The following NRXN3 variants were observed in gnomAD, a reference collection of about 807,000 sequenced individuals.
NRXN3 encodes the protein neurexin 3, also known as neurexin III.
Under a neutral mutation model 137.6 loss-of-function variants are expected in NRXN3, and 32 were observed. The ratio of observed to expected loss-of-function variants is 0.23; its 90% CI spans 0.18 to 0.31. NRXN3 has a LOEUF of 0.31. Ranked by LOEUF, NRXN3 falls within the 10% of genes least tolerant of loss-of-function variation. The probability of loss-of-function intolerance (pLI) is 1.00; values close to 1 mark genes in which losing one functional copy is unlikely to be tolerated. For missense variants in NRXN3, 1,574 were observed against 2,062.5 expected, an observed-to-expected ratio of 0.76 and a Z score of 4.59; for synonymous variants, 798 against 784.5, an observed-to-expected ratio of 1.02 and a Z score of -0.29.
chr14:78,314,992 T>TTC (rs781386034), intron 4 of NRXN3, among the ~76,000 whole-genome samples: 6,303 of 22,566 alleles, frequency 0.28, 494 homozygotes, highest in Middle Eastern at 0.42. Flanking sequence ...CCTTCCTTTC[T>TTC]CTTTCTTTCT....
chr14:78,562,209 C>T (rs570384654), intron 4 of NRXN3, among the ~76,000 whole-genome samples: 1 of 151,862 alleles, frequency 6.6e-6, no homozygotes, highest in Admixed American at 6.5e-5. Flanking sequence ...ACATCCTGGC[C>T]AACATGATGA....
intron 4 of NRXN3, among the ~76,000 whole-genome samples, chr14:78,544,467 T>C (rs1023352321): frequency 1.3e-5 from 2 of 152,116 alleles, no homozygotes; most frequent in Admixed American, 1.3e-4. Flanking sequence ...ATCAAAAGGA[T>C]GGGGAAATGC....
In NRXN3 at chr14:79,548,030, T is replaced by TA. The variant is rs2097337633; in HGVS notation, c.3444+80630dup. Among the ~76,000 whole-genome samples the TA allele has an allele frequency of 7.2e-5, 11 of 152,128 alleles. 4 individuals are homozygous for TA. The highest frequency in any genetic ancestry group is 6.6e-4 in the Admixed American group (10 of 15,262). ...AGTAGTGTGTTATTTCTTTTTTTTTTAACTATTAATTTTTTTTATTATTAT... is the reference window on the plus strand; with the variant it reads ...AGTAGTGTGTTATTTCTTTTTTTTTTAAACTATTAATTTTTTTTATTATTAT... On this transcript the variant is annotated intron_variant, in intron 16 of 20. Transcript: ENST00000335750.
At chr14:78,324,948 G>A (rs2079870536) in intron 4 of NRXN3, among the ~76,000 whole-genome samples, 1 of 151,800 alleles carries the variant, frequency 6.6e-6, no homozygotes, top group Non-Finnish European at 1.5e-5. Context: ...TCCTGGTACT[G>A]ACATTCATAC....
chr14:79,029,558 A>G (rs1189867310), intron 15 of NRXN3, among the ~76,000 whole-genome samples: 1 of 152,142 alleles, frequency 6.6e-6, no homozygotes, highest in Non-Finnish European at 1.5e-5. Flanking sequence ...AGAATGCAGG[A>G]CAGTATTTCT....
At chr14:78,639,348 C>G (rs182713952) in intron 4 of NRXN3, among the ~76,000 whole-genome samples, 29 of 152,330 alleles carry the variant, frequency 1.9e-4, no homozygotes, top group Admixed American at 5.9e-4. Flanking sequence ...TGAGGCTCAT[C>G]ATCAGGAAGC....
chr14:79,323,882 A>G (rs1052732169), intron 15 of NRXN3, among the ~76,000 whole-genome samples: 1 of 152,230 alleles, frequency 6.6e-6, no homozygotes, highest in African/African-American at 2.4e-5. Context: ...ATATAGTATA[A>G]TTCTAATAAT....
intron 10 of NRXN3, among the ~76,000 whole-genome samples, chr14:78,945,012 A>C (rs2099362418): frequency 6.6e-6 from 1 of 152,194 alleles, no homozygotes; most frequent in Non-Finnish European, 1.5e-5. Context: ...GCTCTGAACA[A>C]TCTGAAAGTT....
At chr14:79,429,002 T>A (rs1299179972) in intron 15 of NRXN3, among the ~76,000 whole-genome samples, 2 of 152,212 alleles carry the variant, frequency 1.3e-5, no homozygotes, top group Non-Finnish European at 2.9e-5. Flanking sequence ...TTTTAAGTGA[T>A]CTCTGGGAAG....
intron 15 of NRXN3, among the ~76,000 whole-genome samples, chr14:79,140,673 A>G (rs756053484): frequency 3.9e-5 from 6 of 152,034 alleles, no homozygotes; most frequent in Non-Finnish European, 5.9e-5. Context: ...CAAGTCACCT[A>G]AATAAAAACT....
At chr14:78,437,889 C>A (rs66537136) in intron 4 of NRXN3, among the ~76,000 whole-genome samples, 26,382 of 151,998 alleles carry the variant, frequency 0.17, 3,969 homozygotes, top group African/African-American at 0.4. Flanking sequence ...GAAGGAGAGA[C>A]CAGGTTTTCA....
At chr14:78,611,651 C>T (rs1038526483) in intron 4 of NRXN3, among the ~76,000 whole-genome samples, 1 of 152,162 alleles carries the variant, frequency 6.6e-6, no homozygotes. Flanking sequence ...CAAGATCAGG[C>T]AAGTAAGTGT....
intron 4 of NRXN3, among the ~76,000 whole-genome samples, chr14:78,608,545 G>A (rs544481975): frequency 1.3e-5 from 2 of 152,206 alleles, no homozygotes; most frequent in South Asian, 2.1e-4. Flanking sequence ...GGTACAGGGT[G>A]TAGTACCAAC....
intron 16 of NRXN3, among the ~76,000 whole-genome samples, chr14:79,625,868 G>A (rs1013260387): frequency 1.3e-5 from 2 of 152,164 alleles, no homozygotes; most frequent in Non-Finnish European, 2.9e-5. Context: ...CTGTAGACTT[G>A]GGCCGGCAAC....
intron 16 of NRXN3, among the ~76,000 whole-genome samples, chr14:79,545,013 G>A (rs1013445350): frequency 1.3e-5 from 2 of 152,188 alleles, no homozygotes; most frequent in African/African-American, 2.4e-5. Context: ...AGCTATAGTA[G>A]AGATAACCAA....
At chr14:78,592,618 C>T (rs2097126771) in intron 4 of NRXN3, among the ~76,000 whole-genome samples, 1 of 152,210 alleles carries the variant, frequency 6.6e-6, no homozygotes, top group Admixed American at 6.5e-5. Context: ...TTCCCTTTGA[C>T]ACTGTAGGCC....
intron 15 of NRXN3, among the ~76,000 whole-genome samples, chr14:79,242,975 C>G (rs1033406137): frequency 6.6e-6 from 1 of 152,094 alleles, no homozygotes; most frequent in African/African-American, 2.4e-5. Context: ...CTGAGAAAAA[C>G]AAAATCCCAG....
intron 4 of NRXN3, chr14:78,526,699 T>G (rs1009522766): frequency 3.3e-5 from 17 of 509,540 alleles, no homozygotes; most frequent in Admixed American, 3.0e-4. Flanking sequence ...GTAAGCACTT[T>G]CGTGCATTAT....
At chr14:79,728,474 G>A (rs1362303113) in intron 19 of NRXN3, among the ~76,000 whole-genome samples, 4 of 152,138 alleles carry the variant, frequency 2.6e-5, no homozygotes, top group Admixed American at 6.5e-5. Context: ...GGTCATTGGC[G>A]CTCACCACTT....
Sources: allele counts gnomAD v4.1 joint callset (sites outside exome capture counted in the v4.1 genomes callset), GRCh38; gene constraint gnomAD v4.1.1; transcripts MANE v1.5; gene names NCBI Gene and HGNC (gene_info 2026-07-23, HGNC 2026-07-21).